STAB2: variants seen among roughly 807,000 people sequenced by gnomAD.
STAB2 encodes stabilin 2.
STAB2 carries 288 observed loss-of-function variants against 338.1 expected under a neutral mutation model. The ratio of observed to expected loss-of-function variants is 0.85; its 90% CI spans 0.77 to 0.94. STAB2 has a LOEUF of 0.94. STAB2 is among the 40% of genes least tolerant of loss of function. The pLI, the probability that STAB2 is intolerant of heterozygous loss-of-function variation, is 0.00. For missense variants in STAB2, 3,141 were observed against 3,210.1 expected, an observed-to-expected ratio of 0.98 and a Z score of 0.52; for synonymous variants, 1,202 against 1,193.3, an observed-to-expected ratio of 1.01 and a Z score of -0.15.
chr12:103,664,027 T>C (rs1459676522), intron 18 of STAB2, among the ~76,000 whole-genome samples: 1 of 152,182 alleles, frequency 6.6e-6, no homozygotes, highest in Non-Finnish European at 1.5e-5. Context: ...TGCAGTACTT[T>C]TCAAAAAACC....
At chr12:103,652,738 T>G (rs768299491) in intron 12 of STAB2, 33 bp downstream of exon 12, 1 of 1,524,322 alleles carries the variant, frequency 6.6e-7, no homozygotes, top group Non-Finnish European at 8.8e-7. Context: ...CTCCCAGAAC[T>G]AAATTATCCA....
Position 103,662,849 on chromosome 12 carries a change from C to G in STAB2, c.1873C>G (p.Gln625Glu). The part of the protein sequence containing the change: ...LIQFNTTDNG[Q>E]ILANDVAMEE... The stretch of plus-strand genomic sequence containing the variant: ...AGATGTCATTTTTTCTTTCCAGGGA[C>G]AGATTCTGGCAAATGATGTGGCAAT... The change falls in exon 18 of 69, where the codon CAG (glutamine) becomes GAG (glutamate). Residue 625 changes from glutamine to glutamate, a missense_variant. Physicochemically the swap from Gln to Glu is conservative, Grantham distance 29 (BLOSUM62 2). Transcript: ENST00000388887. 6.2e-7 allele frequency: 1 copy of G among 1,614,134 alleles called. No homozygotes were observed. Among genetic ancestry groups the G allele is most frequent in the South Asian group, 1.1e-5 (1 of 91,060 alleles).
chr12:103,591,106 T>C, intron 2 of STAB2, 76 bp downstream of exon 2: 1 of 1,587,504 alleles, frequency 6.3e-7, no homozygotes, highest in Non-Finnish European at 8.6e-7. Context: ...TGCAAAGCAT[T>C]TCCATGACTT....
chr12:103,617,180 T>C (rs949453553), intron 3 of STAB2, among the ~76,000 whole-genome samples: 2 of 152,284 alleles, frequency 1.3e-5, no homozygotes, highest in South Asian at 2.1e-4. Flanking sequence ...ACAACCCTTA[T>C]CCCAGTCCAT....
At chr12:103,740,874 T>G in intron 55 of STAB2, 118 bp downstream of exon 55, 1 of 1,360,452 alleles carries the variant, frequency 7.4e-7, no homozygotes, top group Non-Finnish European at 9.7e-7. Context: ...CTAATAATGA[T>G]TCCCAGACCC....
intron 4 of STAB2, among the ~76,000 whole-genome samples, chr12:103,620,900 C>A (rs909604800): frequency 1.3e-5 from 2 of 152,066 alleles, no homozygotes; most frequent in Non-Finnish European, 2.9e-5. Flanking sequence ...AGATCGAGAC[C>A]ATCCTAGCCA....
In STAB2 at chr12:103,727,325, C is replaced by G. The variant is rs1325960664; in HGVS notation, c.4910C>G (p.Ser1637Cys). 6.2e-7 allele frequency: 1 copy of G among 1,614,244 alleles called. No homozygotes were observed. Among genetic ancestry groups the G allele is most frequent in the Admixed American group, 1.7e-5 (1 of 60,036 alleles). ...CCCTTCACTGTTTTTGCACCTTTAT[C>G]TGCAGCCTTTGATGAGGAAGCTCGG... Reference protein sequence around the residue: ...PGPFTVFAPLSAAFDEEARVK... With the variant: ...PGPFTVFAPLCAAFDEEARVK... The change falls in exon 47 of 69, where the codon TCT becomes TGT. Residue 1637 changes from serine (S) to cysteine (C), a missense_variant. Physicochemically the swap from Ser to Cys is moderately radical, Grantham distance 112 (BLOSUM62 -1). Coordinates refer to ENST00000388887, the MANE Select transcript of STAB2 (RefSeq NM_017564.10).
At chr12:103,589,200 A>G (rs1311625366) in intron 1 of STAB2, among the ~76,000 whole-genome samples, 1 of 152,210 alleles carries the variant, frequency 6.6e-6, no homozygotes, top group Non-Finnish European at 1.5e-5. Context: ...TGCAGGCTTT[A>G]TATATTTCAA....
intron 3 of STAB2, among the ~76,000 whole-genome samples, chr12:103,609,625 A>G (rs927050974): frequency 2.0e-5 from 3 of 152,136 alleles, no homozygotes; most frequent in East Asian, 1.9e-4. Context: ...CAATCATGTC[A>G]TCTGCAAACA....
At chr12:103,733,267 C>A in intron 51 of STAB2, 85 bp downstream of exon 51, 1 of 1,492,172 alleles carries the variant, frequency 6.7e-7, no homozygotes, top group Non-Finnish European at 9.2e-7. Flanking sequence ...GGCCTAGGAA[C>A]TGTCAGTGTG....
In STAB2 at chr12:103,608,388, C is replaced by T. The variant is rs188332163; in HGVS notation, c.332-12080C>T. On this transcript the variant is annotated intron_variant, in intron 3 of 68. Coordinates refer to ENST00000388887, the MANE Select transcript of STAB2 (RefSeq NM_017564.10). ...CAATCTCCTGACCTCGTGATCCGCC[C>T]GCCTCCGCCTCCCAAAGTGCTGGGA... Among the ~76,000 whole-genome samples, 110 of 152,218 alleles carry T rather than the reference C, an allele frequency of 7.2e-4. No individual in the cohort carries two copies. In the East Asian group the frequency reaches 0.01, roughly 14 times the overall value.
chr12:103,669,479 C>T, intron 20 of STAB2, 62 bp from the exon 21 acceptor site: 1 of 1,353,666 alleles, frequency 7.4e-7, no homozygotes. Flanking sequence ...AAAATGCATC[C>T]CCTTTGAGGA....
At chr12:103,615,359 G>T (rs552765507) in intron 3 of STAB2, among the ~76,000 whole-genome samples, 4 of 152,198 alleles carry the variant, frequency 2.6e-5, no homozygotes, top group Admixed American at 6.5e-5. Context: ...GTCAAGGAAA[G>T]TTGGATGGAA....
At chr12:103,668,977 C>A (rs868341932) in intron 20 of STAB2, 1 of 406,210 alleles carries the variant, frequency 2.5e-6, no homozygotes, top group Non-Finnish European at 4.4e-6. Context: ...CATGGCCCAC[C>A]CTCTGCCTGT....
At chr12:103,588,535 A>C (rs1956748343) in intron 1 of STAB2, among the ~76,000 whole-genome samples, 1 of 152,178 alleles carries the variant, frequency 6.6e-6, no homozygotes, top group African/African-American at 2.4e-5. Context: ...ATTATCACCA[A>C]GTGTTTGCAT....
chr12:103,683,782 C>T (rs11111711), intron 26 of STAB2, among the ~76,000 whole-genome samples: 107 of 152,298 alleles, frequency 7.0e-4, no homozygotes, highest in African/African-American at 2.5e-3. Flanking sequence ...GTAAATGGTG[C>T]CTTGCTTCTC....
In STAB2 at chr12:103,712,423, G is replaced by C. The variant is rs144451227; in HGVS notation, c.4391G>C (p.Gly1464Ala). ...TGCAAGTGTGCAGCAGGATTCCAAG[G>C]AAACGGGACCATCTGCACAGGCAAG... ...ASCKCAAGFQGNGTICTAINA... is the reference protein window; with the variant it reads ...ASCKCAAGFQANGTICTAINA... The change falls in exon 41 of 69, where the codon GGA (glycine) becomes GCA (alanine). Residue 1464 changes from glycine (G) to alanine (A), a missense_variant. Gly to Ala is a moderately conservative substitution (Grantham distance 60). Transcript: ENST00000388887. The C allele has an allele frequency of 6.2e-7, 1 of 1,614,020 alleles. No individual in the cohort carries two copies. The highest frequency in any genetic ancestry group is 8.5e-7 in the Non-Finnish European group (1 of 1,179,930).
intron 29 of STAB2, 133 bp downstream of exon 29, chr12:103,690,115 C>T (rs1877796092): frequency 7.8e-7 from 1 of 1,287,428 alleles, no homozygotes; most frequent in Admixed American, 2.5e-5. Context: ...ATTCTCCTTT[C>T]CTCCCACCCC....
chr12:103,682,000 A>C (rs906950244), intron 25 of STAB2, among the ~76,000 whole-genome samples: 1 of 152,110 alleles, frequency 6.6e-6, no homozygotes, highest in East Asian at 1.9e-4. Flanking sequence ...ATAAGGTTGC[A>C]TTCTGAGGTA....
Sources: gnomAD v4.1 joint callset for allele counts (sites outside exome capture counted in the v4.1 genomes callset) on GRCh38, gnomAD v4.1.1 for gene constraint, MANE v1.5 for transcripts, NCBI Gene and HGNC (gene_info 2026-07-23, HGNC 2026-07-21) for gene names.